STAU1: variants seen among roughly 807,000 people sequenced by gnomAD.
STAU1 encodes the protein staufen double-stranded RNA binding protein 1.
In STAU1, 13 loss-of-function variants were observed where a neutral mutation model predicts 62.9. The observed-to-expected ratio is 0.21, with a 90% confidence interval of 0.13 to 0.33. The LOEUF (loss-of-function observed/expected upper bound fraction) is 0.33. Among genes scored for constraint, STAU1 ranks in the 10% least tolerant of loss-of-function variants. STAU1 has a pLI of 1.00. For missense variants in STAU1, 571 were observed against 712.1 expected (o/e 0.80, Z 2.25); for synonymous variants, 269 against 265.1 (o/e 1.01, Z -0.14).
chr20:49,205,159 T>C, the STAU1 span, among the ~76,000 whole-genome samples: 1 of 152,284 alleles, frequency 6.6e-6, no homozygotes, highest in South Asian at 2.1e-4. Context: ...AATCCCGTGC[T>C]ATATAAATTT....
chr20:49,124,556 T>G lies in STAU1; in HGVS notation c.641A>C (p.Lys214Thr). ...VARESGPPHM[K>T]NFVTKVSVGE... The stretch of plus-strand genomic sequence containing the variant: ...AACCGAAACCTTGGTCACAAAGTTC[T>G]TCATGTGGGGTGGGCCACTCTCCCG... The change falls in exon 7 of 14, where the codon AAG becomes ACG. Residue 214 changes from lysine (K) to threonine (T), a missense_variant. Lys to Thr is a moderately conservative substitution (Grantham distance 78). Transcript: ENST00000371856. 1 of 1,614,018 alleles carries G rather than the reference T, an allele frequency of 6.2e-7. No homozygotes were observed. Among genetic ancestry groups the G allele is most frequent in the Non-Finnish European group, 8.5e-7 (1 of 1,180,016 alleles).
At chr20:49,161,048 G>A (rs1439319024) in intron 3 of STAU1, among the ~76,000 whole-genome samples, 1 of 150,000 alleles carries the variant, frequency 6.7e-6, no homozygotes, top group Non-Finnish European at 1.5e-5. Flanking sequence ...GCCAGGCGGG[G>A]TGGCTAACAC....
At chr20:49,165,357 T>C (rs189107732) in intron 3 of STAU1, among the ~76,000 whole-genome samples, 102 of 147,016 alleles carry the variant, frequency 6.9e-4, no homozygotes, top group Admixed American at 6.3e-3. Flanking sequence ...TTTTCTTTTT[T>C]TGAGACAGTG....
intron 6 of STAU1, among the ~76,000 whole-genome samples, chr20:49,127,694 A>C (rs2092661058): frequency 6.6e-6 from 1 of 151,472 alleles, no homozygotes; most frequent in Admixed American, 6.6e-5. Flanking sequence ...TGACAGAGCA[A>C]GACTTTGTCT....
chr20:49,180,334 C>T (rs1255738296), intron 1 of STAU1, among the ~76,000 whole-genome samples: 1 of 148,464 alleles, frequency 6.7e-6, no homozygotes, highest in African/African-American at 2.5e-5. Flanking sequence ...TTTTTTTTTC[C>T]CCCCCTGGAT....
intron 5 of STAU1, among the ~76,000 whole-genome samples, chr20:49,145,464 G>T (rs1309543713): frequency 7.3e-6 from 1 of 136,408 alleles, no homozygotes; most frequent in Non-Finnish European, 1.5e-5. Flanking sequence ...CAAGCGTGGT[G>T]GCTCACGTCT....
chr20:49,206,719 T>TTATACATATATATATATATATA, the STAU1 span, among the ~76,000 whole-genome samples: 1 of 106,058 alleles, frequency 9.4e-6, no homozygotes, highest in African/African-American at 3.7e-5. Flanking sequence ...AAATGAAATT[T>TTATACATATATATATATATATA]TATATATATA....
At chr20:49,135,457 T>G (rs1338841036) in intron 6 of STAU1, among the ~76,000 whole-genome samples, 1 of 152,194 alleles carries the variant, frequency 6.6e-6, no homozygotes, top group Admixed American at 6.5e-5. Flanking sequence ...CTTTTCAAAA[T>G]TACTCTGAAG....
At chr20:49,189,885 G>A (rs924108291), upstream of STAU1, among the ~76,000 whole-genome samples, 1 of 152,114 alleles carries the variant, frequency 6.6e-6, no homozygotes, top group Admixed American at 6.6e-5. Flanking sequence ...GTCTGAAGAG[G>A]CCCCTCCAAA....
intron 6 of STAU1, among the ~76,000 whole-genome samples, chr20:49,124,946 T>C (rs1040313436): frequency 3.3e-5 from 5 of 151,806 alleles, no homozygotes; most frequent in Non-Finnish European, 7.4e-5. Flanking sequence ...TGCTCAAGTT[T>C]AGTATCTGCT....
intron 8 of STAU1, among the ~76,000 whole-genome samples, chr20:49,121,067 C>CA (rs2092454338): frequency 6.6e-6 from 1 of 151,786 alleles, no homozygotes; most frequent in African/African-American, 2.4e-5. Flanking sequence ...CGTAAGCCAT[C>CA]AAGCCCAGCC....
chr20:49,141,443 T>A (rs2093005428), intron 5 of STAU1, among the ~76,000 whole-genome samples: 2 of 152,178 alleles, frequency 1.3e-5, no homozygotes, highest in African/African-American at 4.8e-5. Context: ...ATTTTAAGAT[T>A]ACCCAGGTGC....
chr20:49,160,285 T>G (rs2093428566), intron 3 of STAU1, among the ~76,000 whole-genome samples: 1 of 152,234 alleles, frequency 6.6e-6, no homozygotes, highest in Admixed American at 6.5e-5. Context: ...CTTATGTTAC[T>G]TTCAGTCAAA....
At chr20:49,149,850 G>A (rs1352926015) in intron 5 of STAU1, among the ~76,000 whole-genome samples, 2 of 152,202 alleles carry the variant, frequency 1.3e-5, no homozygotes, top group Non-Finnish European at 2.9e-5. Context: ...ACCCTGGGTG[G>A]CAGCTGGATA....
chr20:49,183,647 T>C (rs991336558), intron 1 of STAU1, among the ~76,000 whole-genome samples: 1 of 152,218 alleles, frequency 6.6e-6, no homozygotes, highest in African/African-American at 2.4e-5. Flanking sequence ...GCAGTATCCA[T>C]TTTGATAACA....
chr20:49,180,976 G>A (rs1168265479), intron 1 of STAU1, among the ~76,000 whole-genome samples: 1 of 152,138 alleles, frequency 6.6e-6, no homozygotes, highest in African/African-American at 2.4e-5. Context: ...ATGGTTCAGT[G>A]GAAAGAACAC....
intron 5 of STAU1, among the ~76,000 whole-genome samples, chr20:49,145,264 A>G (rs1031335121): frequency 2.8e-4 from 42 of 151,340 alleles, no homozygotes; most frequent in Admixed American, 3.3e-4. Context: ...TCTCTACTAA[A>G]AATACAAAAA....
At chr20:49,154,440 AATCAAT>A (rs1184958913) in intron 3 of STAU1, among the ~76,000 whole-genome samples, 1 of 152,238 alleles carries the variant, frequency 6.6e-6, no homozygotes, top group Non-Finnish European at 1.5e-5. Context: ...GAGAATACTT[AATCAAT>A]ATAACCTTGG....
At chr20:49,193,186 G>A (rs1488541560), upstream of STAU1, among the ~76,000 whole-genome samples, 1 of 152,022 alleles carries the variant, frequency 6.6e-6, no homozygotes, top group Admixed American at 6.6e-5. Flanking sequence ...AGATCAGCCC[G>A]GCCAACATGG....
Sources: allele counts gnomAD v4.1 joint callset (sites outside exome capture counted in the v4.1 genomes callset), GRCh38; gene constraint gnomAD v4.1.1; transcripts MANE v1.5; gene names NCBI Gene and HGNC (gene_info 2026-07-23, HGNC 2026-07-21).